The following SF3A2 variants were observed in gnomAD, a reference collection of about 807,000 sequenced individuals.
SF3A2 encodes the protein SAP 62.
A neutral mutation model predicts 31.1 loss-of-function variants in SF3A2; 5 were observed. The observed-to-expected ratio is 0.16, with a 90% CI of 0.08 to 0.34. The LOEUF (loss-of-function observed/expected upper bound fraction) is 0.34. Ranked by LOEUF, SF3A2 falls within the 10% of genes least tolerant of loss-of-function variation. The pLI, the probability that SF3A2 is intolerant of heterozygous loss-of-function variation, is 1.00. For missense variants in SF3A2, 577 were observed against 643.9 expected (o/e 0.90, Z 1.13); for synonymous variants, 365 against 263.7 (o/e 1.38, Z -3.72).
intron 1 of SF3A2, among the ~76,000 whole-genome samples, chr19:2,241,024 T>C (rs2024884184): frequency 6.6e-6 from 1 of 152,148 alleles, no homozygotes; most frequent in African/African-American, 2.4e-5. Flanking sequence ...GTGGGCGCTG[T>C]GGAGAGTGCA....
intron 1 of SF3A2, among the ~76,000 whole-genome samples, chr19:2,242,218 C>T (rs967115483): frequency 2.0e-5 from 3 of 147,106 alleles, no homozygotes; most frequent in African/African-American, 4.8e-5. Flanking sequence ...TGCCCCTGCA[C>T]ACCTGCAGAC....
In SF3A2 at chr19:2,245,404, G is replaced by A. The variant is rs1444816635; in HGVS notation, c.246-42G>A. On this transcript the variant is annotated intron_variant, in intron 4 of 8. Coordinates refer to ENST00000221494, the MANE Select transcript of SF3A2 (RefSeq NM_007165.5). This position sits in a 1 kb window ranked among gnomAD's most constrained non-coding sequence, Gnocchi z 4.2. ...ACCTGGGCCCATGGCTTTGGTGCCT[G>A]TGTGTGGAGGGGTCCCAGCAGCACC... is the stretch of plus-strand genomic sequence containing the variant. The A allele has an allele frequency of 1.7e-5, 25 of 1,449,652 alleles. 1 individual carries two copies. In the East Asian group the frequency reaches 6.2e-4, roughly 36 times the overall value. 89.8% of individuals were successfully genotyped at this position (1,449,652 alleles called of 1,614,324 possible).
chr19:2,244,639 G>T (rs970292290), intron 3 of SF3A2, 24 bp downstream of exon 3: 1 of 1,612,570 alleles, frequency 6.2e-7, no homozygotes, highest in South Asian at 1.1e-5. Flanking sequence ...CTGGCTCCGG[G>T]CGGCTCGCGG....
intron 1 of SF3A2, among the ~76,000 whole-genome samples, chr19:2,240,197 G>A (rs138939652): frequency 9.7e-4 from 148 of 152,226 alleles, no homozygotes; most frequent in African/African-American, 3.1e-3. Context: ...GGTGGGGGGC[G>A]TCCGTGCTGG....
chr19:2,240,514 C>G (rs559589336), intron 1 of SF3A2, among the ~76,000 whole-genome samples: 1 of 152,146 alleles, frequency 6.6e-6, no homozygotes, highest in Non-Finnish European at 1.5e-5. Context: ...TTCTGGTTTT[C>G]GGATCAGAGC....
chr19:2,248,116 TC>T lies in SF3A2; in HGVS notation c.967del (p.His323ThrfsTer123). ...GGCGTCCATCCCCCAGCCCCTGGGGTCCACCCACCAACCTCTGGGGTCCACC... is the reference window on the plus strand; with the variant it reads ...GGCGTCCATCCCCCAGCCCCTGGGGTCACCCACCAACCTCTGGGGTCCACC... ...APGVHPPAPG[V>X]HPPTSGVHPP... On this transcript the variant is annotated frameshift_variant, in exon 9 of 9. Coordinates refer to ENST00000221494, the MANE Select transcript of SF3A2 (RefSeq NM_007165.5). LOFTEE classifies it low-confidence loss of function (END_TRUNC). The T allele has an allele frequency of 7.9e-7, 1 of 1,269,628 alleles. No homozygotes were observed. The allele number at this position is 1,269,628 out of a possible 1,614,324, so 78.6% of individuals were successfully genotyped here. A position where few individuals can be genotyped will look rare whatever the true frequency, so the allele number is the denominator to read the frequency against.
At chr19:2,238,184 C>T (rs1042457528) in intron 1 of SF3A2, among the ~76,000 whole-genome samples, 12 of 152,238 alleles carry the variant, frequency 7.9e-5, no homozygotes, top group East Asian at 7.7e-4. Flanking sequence ...CCACCATGTC[C>T]GGCGAATTTT....
chr19:2,244,849 C>A, intron 4 of SF3A2, 70 bp downstream of exon 4: 5 of 1,438,304 alleles, frequency 3.5e-6, no homozygotes, highest in Non-Finnish European at 3.9e-6. Context: ...GTGAGCCTCG[C>A]GGGCCACTGC....
chr19:2,243,192 G>C (rs1015027422), intron 1 of SF3A2, among the ~76,000 whole-genome samples, 190 bp from the exon 2 acceptor site: 1 of 152,212 alleles, frequency 6.6e-6, no homozygotes, highest in African/African-American at 2.4e-5. Context: ...CCTGTCCACA[G>C]TGGGCCTCAG....
rs762481808 is a variant in SF3A2, at chr19:2,248,192, C to T, written c.1041C>T (p.Ala347=). The T allele has an allele frequency of 3.4e-6, 5 of 1,451,480 alleles. No homozygotes were observed. The highest frequency in any genetic ancestry group is 1.3e-5 in the South Asian group (1 of 78,784). The allele number at this position is 1,451,480 out of a possible 1,614,324, so 89.9% of individuals were successfully genotyped here. Residue 347 remains alanine, a synonymous_variant, in exon 9 of 9, where the codon GCC becomes GCT. Transcript: ENST00000221494. ...CAGCCCCCGGGGTTCACCCACCAGCCCCCGGAGTCCACCCACCAGCCCCTG... is the reference window on the plus strand; with the variant it reads ...CAGCCCCCGGGGTTCACCCACCAGCTCCCGGAGTCCACCCACCAGCCCCTG... The part of the protein sequence containing the change: ...HPPAPGVHPP[A]PGVHPPAPGV...
At chr19:2,243,570 T>C in intron 2 of SF3A2, 26 bp downstream of exon 2, 1 of 1,531,704 alleles carries the variant, frequency 6.5e-7, no homozygotes, top group Non-Finnish European at 8.7e-7. Context: ...TGCAGCTGCC[T>C]GTGGTGGGTG....
intron 3 of SF3A2, 34 bp from the exon 4 acceptor site, chr19:2,244,699 G>A: frequency 6.2e-7 from 1 of 1,613,716 alleles, no homozygotes; most frequent in Admixed American, 1.7e-5. Context: ...TGTCCGCCCG[G>A]CCTCGAGTCA....
In SF3A2 at chr19:2,244,744, G is replaced by C. The variant is rs778741898; in HGVS notation, c.210G>C (p.Leu70=). The change falls in exon 4 of 9, where the codon CTG becomes CTC. Residue 70 remains leucine, a synonymous_variant. Transcript: ENST00000221494. ...LTLHNNEGSY[L]AHTQGKKHQT... is the part of the protein sequence containing the mutation. ...CCTTTCCACTCCAGGGGAGCTACCT[G>C]GCACATACGCAGGGGAAGAAGCACC... The C allele has an allele frequency of 3.7e-6, 6 of 1,613,910 alleles. No individual in the cohort carries two copies. In the South Asian group the frequency reaches 4.4e-5, roughly 12 times the overall value.
chr19:2,239,027 T>C (rs1177699132), intron 1 of SF3A2, among the ~76,000 whole-genome samples: 1 of 152,194 alleles, frequency 6.6e-6, no homozygotes, highest in Non-Finnish European at 1.5e-5. Context: ...TTATTTACCC[T>C]CATAGTTAGA....
At chr19:2,238,797 C>T (rs2024863558) in intron 1 of SF3A2, among the ~76,000 whole-genome samples, 1 of 152,180 alleles carries the variant, frequency 6.6e-6, no homozygotes, top group African/African-American at 2.4e-5. Flanking sequence ...TCCAAGACCC[C>T]CTTATCCTCC....
intron 1 of SF3A2, among the ~76,000 whole-genome samples, chr19:2,240,041 G>A (rs77245362): frequency 0.054 from 8,174 of 152,296 alleles, 257 homozygotes; most frequent in East Asian, 0.13. Flanking sequence ...CTGTGTGAGC[G>A]CCACTTCTCA....
In SF3A2 at chr19:2,247,791, A is replaced by AGCGGGGGCG; in HGVS notation, c.640_641insGCGGGGGCG (p.Met214delinsSerGlyGlyVal). On this transcript the variant is annotated protein_altering_variant, in exon 9 of 9. Coordinates refer to ENST00000221494, the MANE Select transcript of SF3A2 (RefSeq NM_007165.5). ...GTTCTTCCTCCAGTTCCACTTTAAG[A>AGCGGGGGCG]TGGAGAAGCCCCCGGCTCCACCCAG... is the stretch of plus-strand genomic sequence containing the variant. 1 of 1,611,078 alleles carries AGCGGGGGCG rather than the reference A, an allele frequency of 6.2e-7. No individual in the cohort carries two copies.
In SF3A2 at chr19:2,245,806, C is replaced by G; in HGVS notation, c.355+251C>G. On this transcript the variant is annotated intron_variant, in intron 5 of 8. Transcript: ENST00000221494. The surrounding 1 kb of genome is among the most constrained non-coding windows in gnomAD (Gnocchi z 4.2). The stretch of plus-strand genomic sequence containing the variant: ...GAGCCACAGTCTGTGCCCTCCTGTC[C>G]GGGTCTTGTGGAAGCTTCTGGGAAT... 1 of 525,810 alleles carries G rather than the reference C, an allele frequency of 1.9e-6. No individual in the cohort carries two copies. Among genetic ancestry groups the G allele is most frequent in the South Asian group, 2.4e-5 (1 of 41,068 alleles). 32.6% of individuals were successfully genotyped at this position (525,810 alleles called of 1,614,324 possible). A position where few individuals can be genotyped will look rare whatever the true frequency, so the allele number is the denominator to read the frequency against.
Position 2,245,745 on chromosome 19 carries a change from A to C in SF3A2, c.355+190A>C. Reference sequence around the variant, plus strand: ...TGGGAGCTGTCAGGCTGGGCCCGATAAGCACCCATCTCACCCAGCAGCCCA... The same window carrying C: ...TGGGAGCTGTCAGGCTGGGCCCGATCAGCACCCATCTCACCCAGCAGCCCA... On this transcript the variant is annotated intron_variant, in intron 5 of 8. Coordinates refer to ENST00000221494, the MANE Select transcript of SF3A2 (RefSeq NM_007165.5). The surrounding 1 kb of genome is among the most constrained non-coding windows in gnomAD (Gnocchi z 4.2). 1 of 599,798 alleles carries C rather than the reference A, an allele frequency of 1.7e-6. No homozygotes were observed. Among genetic ancestry groups the C allele is most frequent in the Non-Finnish European group, 3.0e-6 (1 of 333,094 alleles). 37.2% of individuals were successfully genotyped at this position (599,798 alleles called of 1,614,324 possible). A position where few individuals can be genotyped will look rare whatever the true frequency, so the allele number is the denominator to read the frequency against.
Sources: allele counts gnomAD v4.1 joint callset (sites outside exome capture counted in the v4.1 genomes callset), GRCh38; gene constraint gnomAD v4.1.1; non-coding constraint Gnocchi (gnomAD v3.1); transcripts MANE v1.5; gene names NCBI Gene and HGNC (gene_info 2026-07-23, HGNC 2026-07-21).